SLC4A2: variants seen among roughly 807,000 people sequenced by gnomAD.
SLC4A2 encodes the protein anion exchange protein 2.
In SLC4A2, 36 loss-of-function variants were observed where a neutral mutation model predicts 115.0. The observed-to-expected ratio is 0.31, with a 90% CI of 0.24 to 0.41. The LOEUF is 0.41. Among genes scored for constraint, SLC4A2 ranks in the 10% least tolerant of loss-of-function variants. The pLI, the probability that SLC4A2 is intolerant of heterozygous loss-of-function variation, is 1.00. For missense variants in SLC4A2, 1,252 were observed against 1,705.6 expected (o/e 0.73, Z 4.68); for synonymous variants, 708 against 708.3 (o/e 1.00, Z 0.01).
intron 16 of SLC4A2, among the ~76,000 whole-genome samples, chr7:151,073,643 A>C (rs552837492): frequency 6.6e-6 from 1 of 152,322 alleles, no homozygotes; most frequent in Non-Finnish European, 1.5e-5. Flanking sequence ...ACAAAGGTAC[A>C]TGCTTTTGTT....
At position 151,074,691 on chromosome 7, in the gene SLC4A2, G is replaced by A; in HGVS notation, c.2897G>A (p.Ser966Asn). 1 of 1,601,118 alleles carries A rather than the reference G, an allele frequency of 6.2e-7. No homozygotes were observed. The highest frequency in any genetic ancestry group is 8.5e-7 in the Non-Finnish European group (1 of 1,174,366). The change falls in exon 19 of 23, where the codon AGT becomes AAT. Residue 966 changes from serine (S) to asparagine (N), a missense_variant. By Grantham distance (46) the Ser-to-Asn change is conservative (BLOSUM62 1). Transcript: ENST00000413384. ...GCCCTGCAGAAGCTGAGCGTTCCCA[G>A]TGGATTCTCGGTGACTGCCCCAGAA... ...DTYTQKLSVP[S>N]GFSVTAPEKR...
At chr7:151,061,762 C>T (rs1563337194) in intron 1 of SLC4A2, 163 bp from the exon 2 acceptor site, 2 of 555,938 alleles carry the variant, frequency 3.6e-6, no homozygotes. Flanking sequence ...CCTTGTTCTT[C>T]TCTTTTCTTC....
At chr7:151,063,278 T>TG (rs1177619326) in intron 2 of SLC4A2, 1 of 1,045,620 alleles carries the variant, frequency 9.6e-7, no homozygotes, top group African/African-American at 1.7e-5. Flanking sequence ...GGAGCTCTCC[T>TG]GGGGGCTGAA....
chr7:151,074,951 C>A (rs1483803540), intron 19 of SLC4A2, 110 bp downstream of exon 19: 6 of 1,136,800 alleles, frequency 5.3e-6, no homozygotes, highest in East Asian at 2.5e-5. Flanking sequence ...CCTCAGGGAA[C>A]CTTGGATGCC....
In SLC4A2 at chr7:151,071,122, G is replaced by A. The variant is rs570613259; in HGVS notation, c.1800G>A (p.Thr600=). The A allele has an allele frequency of 1.3e-4, 203 of 1,612,752 alleles. 1 individual carries two copies. The highest frequency in any genetic ancestry group is 9.2e-4 in the Middle Eastern group (5 of 5,444). The change falls in exon 13 of 23, where the codon ACG becomes ACA. Residue 600 remains threonine, a synonymous_variant. Coordinates refer to ENST00000413384, the MANE Select transcript of SLC4A2 (RefSeq NM_003040.4). The surrounding 1 kb of genome is among the most constrained non-coding windows in gnomAD (Gnocchi z 5.5). ...CTGACGAGCGGGAGGACCTGCTGAC[G>A]GCCATCAACGCCTTCCTGGACTGCA... is the stretch of plus-strand genomic sequence containing the variant. ...YLADEREDLL[T]AINAFLDCSV...
At chr7:151,075,165 T>C (rs1433340937) in intron 19 of SLC4A2, 90 bp from the exon 20 acceptor site, 5 of 1,541,878 alleles carry the variant, frequency 3.2e-6, no homozygotes, top group African/African-American at 1.4e-5. Flanking sequence ...CAAAGCCAGA[T>C]GGAGGGACTG....
chr7:151,076,485 C>T lies in SLC4A2; in HGVS notation c.*118C>T, dbSNP rs1245591742. 3 of 863,558 alleles carry T rather than the reference C, an allele frequency of 3.5e-6. No individual in the cohort carries two copies. The highest frequency in any genetic ancestry group is 3.4e-5 in the African/African-American group (2 of 58,002). The allele number at this position is 863,558 out of a possible 1,614,324, so 53.5% of individuals were successfully genotyped here. On this transcript the variant is annotated 3_prime_UTR_variant, in exon 23 of 23. Transcript: ENST00000413384. ...TAAGTGAATAATTTAAAGTCTTCTCCTCCCCCACTGCCCCTGCAGTAAAGT... is the reference window on the plus strand; with the variant it reads ...TAAGTGAATAATTTAAAGTCTTCTCTTCCCCCACTGCCCCTGCAGTAAAGT...
Position 151,071,457 on chromosome 7 carries a change from C to CT in SLC4A2, c.2046dup (p.Gly683TrpfsTer17). 1 of 1,609,922 alleles carries CT rather than the reference C, an allele frequency of 6.2e-7. No homozygotes were observed. ...ATCCCCTTCGGCGGACGGGGCGGCC[C>CT]TTTGGGGGGCTGATCCGAGATGTGC... On this transcript the variant is annotated frameshift_variant, in exon 14 of 23. Transcript: ENST00000413384. LOFTEE classifies it high-confidence loss of function. The surrounding 1 kb of genome is among the most constrained non-coding windows in gnomAD (Gnocchi z 5.5).
intron 2 of SLC4A2, 87 bp downstream of exon 2, chr7:151,062,125 G>A (rs968675292): frequency 1.1e-5 from 10 of 896,022 alleles, no homozygotes; most frequent in Non-Finnish European, 1.7e-5. Context: ...CCAACCAGGG[G>A]TGTGAGCGTG....
chr7:151,064,586 C>G lies in SLC4A2; in HGVS notation c.278C>G (p.Ala93Gly), dbSNP rs1396368607. 42 of 1,612,680 alleles carry G rather than the reference C, an allele frequency of 2.6e-5. No homozygotes were observed. Among genetic ancestry groups the G allele is most frequent in the Non-Finnish European group, 3.6e-5 (42 of 1,179,956 alleles). Residue 93 changes from alanine (A) to glycine (G), a missense_variant, in exon 4 of 23, where the codon GCA (alanine) becomes GGA (glycine). Ala to Gly is a moderately conservative substitution (Grantham distance 60). This residue lies in a region of SLC4A2 where 215 missense variants were observed against 205.2 expected (regional missense o/e 1.05). Transcript: ENST00000413384. Reference protein sequence around the residue: ...HPLSTHLPPDARRRKTPQGPG... With the variant: ...HPLSTHLPPDGRRRKTPQGPG... ...CTGTCCACCCACCTGCCTCCGGATGCACGCCGCCGCAAGACACCCCAGGGC... is the reference window on the plus strand; with the variant it reads ...CTGTCCACCCACCTGCCTCCGGATGGACGCCGCCGCAAGACACCCCAGGGC...
rs760882275 is a variant in SLC4A2 at position 151,071,747 on chromosome 7, G to C, written c.2250G>C (p.Gln750His). The change falls in exon 15 of 23, where the codon CAG (glutamine) becomes CAC (histidine). Residue 750 changes from glutamine to histidine, a missense_variant. This residue lies in a region of SLC4A2 where 118 missense variants were observed against 203.3 expected (regional missense o/e 0.58). Transcript: ENST00000413384. The surrounding 1 kb of genome is among the most constrained non-coding windows in gnomAD (Gnocchi z 5.5). ...VSELIMSTAL[Q>H]GVVFCLLGAQ... ...AGCTGATTATGTCCACAGCGCTCCA[G>C]GGCGTGGTCTTCTGCCTGCTGGGTG... The C allele has an allele frequency of 1.2e-6, 2 of 1,612,844 alleles. No individual in the cohort carries two copies. Among genetic ancestry groups the C allele is most frequent in the East Asian group, 2.2e-5 (1 of 44,872 alleles).
intron 22 of SLC4A2, 43 bp from the exon 23 acceptor site, chr7:151,076,244 G>GC (rs763196992): frequency 6.8e-5 from 109 of 1,594,706 alleles, no homozygotes; most frequent in South Asian, 5.5e-4. Flanking sequence ...ATCTGGAAAG[G>GC]CCCCCCCACT....
In SLC4A2 at chr7:151,064,578, T is replaced by C; in HGVS notation, c.270T>C (p.Pro90=). 4 of 1,612,468 alleles carry C rather than the reference T, an allele frequency of 2.5e-6. No homozygotes were observed. Among genetic ancestry groups the C allele is most frequent in the Non-Finnish European group, 3.4e-6 (4 of 1,179,924 alleles). The change falls in exon 4 of 23, where the codon CCT becomes CCC. Residue 90 remains proline, a synonymous_variant. Transcript: ENST00000413384. ...ATCACCCACTGTCCACCCACCTGCCTCCGGATGCACGCCGCCGCAAGACAC... is the reference window on the plus strand; with the variant it reads ...ATCACCCACTGTCCACCCACCTGCCCCCGGATGCACGCCGCCGCAAGACAC... The part of the protein sequence containing the change: ...HIHHPLSTHL[P]PDARRRKTPQ...
chr7:151,070,774 C>A lies in SLC4A2; in HGVS notation c.1612C>A (p.Arg538=). ...CCCCACCATGGCCTTTGTGCGGCTC[C>A]GGGAGGCTGTGGAGTTGGACGCAGT... ...SRPTMAFVRL[R]EAVELDAVLE... The change falls in exon 12 of 23, where the codon CGG becomes AGG. Residue 538 remains arginine (R), a synonymous_variant. Coordinates refer to ENST00000413384, the MANE Select transcript of SLC4A2 (RefSeq NM_003040.4). 6.2e-7 allele frequency: 1 copy of A among 1,613,978 alleles called. No individual in the cohort carries two copies. The highest frequency in any genetic ancestry group is 8.5e-7 in the Non-Finnish European group (1 of 1,180,010).
Position 151,071,405 on chromosome 7 carries a change from T to G in SLC4A2, c.1991T>G (p.Val664Gly). 1 of 1,598,180 alleles carries G rather than the reference T, an allele frequency of 6.3e-7. No individual in the cohort carries two copies. The highest frequency in any genetic ancestry group is 8.5e-7 in the Non-Finnish European group (1 of 1,177,004). ...SAQDKALLQMVEAAGAAEDDP... is the reference protein window; with the variant it reads ...SAQDKALLQMGEAAGAAEDDP... ...TGGGTTGCAGCGCTCCTGCAGATGG[T>G]AGAGGCGGCAGGGGCAGCTGAAGAT... is the stretch of plus-strand genomic sequence containing the variant. Residue 664 changes from valine to glycine, a missense_variant, in exon 14 of 23, where the codon GTA becomes GGA. Physicochemically the swap from Val to Gly is moderately radical, Grantham distance 109 (BLOSUM62 -3). Transcript: ENST00000413384. This position sits in a 1 kb window ranked among gnomAD's most constrained non-coding sequence, Gnocchi z 5.5.
Position 151,075,524 on chromosome 7 carries a change from C to T in SLC4A2, c.3301+16C>T. On this transcript the variant is annotated intron_variant, in intron 20 of 22. Transcript: ENST00000413384. ...CTGCTTGTGGGTACGTTGCCTCTTGCCTTTCCCTTCCCAGTGGATTCCCCA... is the reference window on the plus strand; with the variant it reads ...CTGCTTGTGGGTACGTTGCCTCTTGTCTTTCCCTTCCCAGTGGATTCCCCA... The T allele has an allele frequency of 1.9e-6, 3 of 1,595,258 alleles. No individual in the cohort carries two copies. The highest frequency in any genetic ancestry group is 2.6e-6 in the Non-Finnish European group (3 of 1,176,250).
rs1797459377 is a variant in SLC4A2, at chr7:151,072,052, C to T, written c.2451C>T (p.Arg817=). 2 of 1,614,158 alleles carry T rather than the reference C, an allele frequency of 1.2e-6. No individual in the cohort carries two copies. Among genetic ancestry groups the T allele is most frequent in the Non-Finnish European group, 8.5e-7 (1 of 1,180,022 alleles). ...MVALEGSFLV[R]FVSRFTQEIF... ...CCCTGGAGGGGAGCTTCCTGGTCCG[C>T]TTCGTCTCCCGCTTCACCCAGGAGA... The change falls in exon 16 of 23, where the codon CGC becomes CGT. Residue 817 remains arginine, a synonymous_variant. Coordinates refer to ENST00000413384, the MANE Select transcript of SLC4A2 (RefSeq NM_003040.4).
Position 151,072,016 on chromosome 7 carries a change from G to A in SLC4A2, c.2415G>A (p.Leu805=). The A allele has an allele frequency of 6.2e-7, 1 of 1,614,092 alleles. No homozygotes were observed. The highest frequency in any genetic ancestry group is 8.5e-7 in the Non-Finnish European group (1 of 1,180,000). Residue 805 remains leucine, a synonymous_variant, in exon 16 of 23, where the codon CTG becomes CTA. Transcript: ENST00000413384. ...WIGFWLVFLA[L]LMVALEGSFL... ...GCTTCTGGCTGGTGTTCCTGGCCCTGCTCATGGTGGCCCTGGAGGGGAGCT... is the reference window on the plus strand; with the variant it reads ...GCTTCTGGCTGGTGTTCCTGGCCCTACTCATGGTGGCCCTGGAGGGGAGCT...
intron 2 of SLC4A2, chr7:151,063,064 TGG>T: frequency 6.7e-7 from 1 of 1,490,466 alleles, no homozygotes; most frequent in Non-Finnish European, 8.9e-7. Context: ...CGTGGGTGGG[TGG>T]GGGGCTGGAC....
Sources: gnomAD v4.1 joint callset for allele counts (sites outside exome capture counted in the v4.1 genomes callset) on GRCh38, gnomAD v4.1.1 for gene constraint, gnomAD v4.1.1 regional missense constraint, Gnocchi (gnomAD v3.1) non-coding constraint, MANE v1.5 for transcripts, NCBI Gene and HGNC (gene_info 2026-07-23, HGNC 2026-07-21) for gene names.